Variants in SCN7A observed in about 807,000 individuals in gnomAD.
SCN7A encodes the protein sodium channel protein type 7 subunit alpha.
In SCN7A, 138 loss-of-function variants were observed where a neutral mutation model predicts 155.2. That is an observed-to-expected ratio of 0.89 (90% CI 0.77 to 1.02). The LOEUF (loss-of-function observed/expected upper bound fraction) is 1.02. Among genes scored for constraint, SCN7A ranks in the 50% least tolerant of loss-of-function variants. The pLI is 0.00. For missense variants in SCN7A, 2,058 were observed against 1,986.6 expected, an observed-to-expected ratio of 1.04 and a Z score of -0.68; for synonymous variants, 693 against 649.0, an observed-to-expected ratio of 1.07 and a Z score of -1.03.
chr2:166,425,728 C>T lies in SCN7A; in HGVS notation c.2853+2060G>A, dbSNP rs187140830. On this transcript the variant is annotated intron_variant, in intron 18 of 25. Coordinates refer to ENST00000643258, the MANE Select transcript of SCN7A (RefSeq NM_002976.4). ...CCAACTCCTCCAGCATCTCTTTTGC[C>T]CGAACCATTGTGATTATATTAGGCT... Among the ~76,000 whole-genome samples the T allele has an allele frequency of 4.6e-5, 7 of 152,190 alleles. No individual in the cohort carries two copies. In the East Asian group the frequency reaches 1.4e-3, roughly 29 times the overall value.
intron 18 of SCN7A, among the ~76,000 whole-genome samples, chr2:166,426,201 T>C (rs1167225712): frequency 6.6e-6 from 1 of 152,070 alleles, no homozygotes; most frequent in Non-Finnish European, 1.5e-5. Flanking sequence ...ATGCAGAAGA[T>C]TGCTATTTTT....
chr2:166,476,379 G>T (rs534259161), intron 3 of SCN7A, among the ~76,000 whole-genome samples: 8 of 151,670 alleles, frequency 5.3e-5, no homozygotes, highest in Non-Finnish European at 1.2e-4. Context: ...ATCAAATTAC[G>T]TTTGCTATGA....
intron 20 of SCN7A, among the ~76,000 whole-genome samples, 156 bp downstream of exon 20, chr2:166,421,034 C>T (rs1021226392): frequency 3.3e-5 from 5 of 151,786 alleles, no homozygotes; most frequent in Admixed American, 1.3e-4. Flanking sequence ...ATAAACATAC[C>T]TATTCCTCTC....
intron 24 of SCN7A, 106 bp from the exon 25 acceptor site, chr2:166,410,041 G>T: frequency 8.0e-7 from 1 of 1,255,596 alleles, no homozygotes; most frequent in Non-Finnish European, 1.1e-6. Flanking sequence ...ATGAGAATAA[G>T]TGTGAACCTA....
intron 23 of SCN7A, among the ~76,000 whole-genome samples, chr2:166,411,882 C>T (rs546345356): frequency 6.6e-6 from 1 of 152,090 alleles, no homozygotes; most frequent in Non-Finnish European, 1.5e-5. Flanking sequence ...CTATTCTTTC[C>T]TTTGACTTTT....
intron 14 of SCN7A, 119 bp from the exon 15 acceptor site, chr2:166,441,871 T>A: frequency 1.5e-6 from 1 of 673,834 alleles, no homozygotes; most frequent in Non-Finnish European, 2.5e-6. Flanking sequence ...TTTTAAGCAT[T>A]ATTAACTACT....
At chr2:166,413,465 G>A (rs1218126280) in intron 21 of SCN7A, among the ~76,000 whole-genome samples, 1 of 152,028 alleles carries the variant, frequency 6.6e-6, no homozygotes, top group East Asian at 1.9e-4. Flanking sequence ...AAGAGGAATT[G>A]TTCAACTCTT....
In SCN7A at chr2:166,478,858, A is replaced by G. The variant is rs536019114; in HGVS notation, c.-14-1148T>C. ...GGCAACTCAAAGTAGTGTTCATTAA[A>G]TATAATTTCATGCATCAATTCCCCA... On this transcript the variant is annotated intron_variant, in intron 2 of 25. Coordinates refer to ENST00000643258, the MANE Select transcript of SCN7A (RefSeq NM_002976.4). Among the ~76,000 whole-genome samples the G allele has an allele frequency of 1.7e-3, 258 of 152,088 alleles. 1 individual carries two copies. Among genetic ancestry groups the G allele is most frequent in the African/African-American group, 5.8e-3 (239 of 41,550 alleles).
chr2:166,466,009 T>G (rs1702527359), intron 7 of SCN7A, 22 bp from the exon 8 acceptor site: 1 of 1,562,480 alleles, frequency 6.4e-7, no homozygotes, highest in Non-Finnish European at 8.7e-7. Context: ...AACATTTGTT[T>G]TCGAAATAAT....
chr2:166,453,652 T>A (rs1047492182), intron 11 of SCN7A, among the ~76,000 whole-genome samples: 6 of 152,198 alleles, frequency 3.9e-5, no homozygotes, highest in African/African-American at 1.4e-4. Context: ...ACATCATTCA[T>A]CTATTAAGTA....
chr2:166,449,523 A>G (rs1428659932), intron 11 of SCN7A, among the ~76,000 whole-genome samples: 2 of 152,146 alleles, frequency 1.3e-5, no homozygotes, highest in African/African-American at 4.8e-5. Flanking sequence ...CACAAATACT[A>G]GAGCTAGAGG....
At chr2:166,483,513 A>C (rs1294162094) in intron 2 of SCN7A, among the ~76,000 whole-genome samples, 1 of 151,964 alleles carries the variant, frequency 6.6e-6, no homozygotes, top group Non-Finnish European at 1.5e-5. Context: ...GGAAGTGGGC[A>C]GTTCTCATTA....
chr2:166,459,453 T>C (rs948436591), intron 10 of SCN7A, among the ~76,000 whole-genome samples: 4 of 152,168 alleles, frequency 2.6e-5, no homozygotes, highest in Non-Finnish European at 5.9e-5. Context: ...TTTTGTTCCC[T>C]GAGGTTTGAC....
At chr2:166,472,476 G>A in intron 5 of SCN7A, 31 bp from the exon 6 acceptor site, 1 of 1,485,660 alleles carries the variant, frequency 6.7e-7, no homozygotes, top group East Asian at 2.3e-5. Flanking sequence ...AAATATTATT[G>A]GTGAGAATAA....
chr2:166,416,013 G>A (rs1356921879), intron 21 of SCN7A, among the ~76,000 whole-genome samples: 1 of 151,990 alleles, frequency 6.6e-6, no homozygotes, highest in Non-Finnish European at 1.5e-5. Context: ...AATACTCTGG[G>A]AAAGGAATTC....
intron 1 of SCN7A, among the ~76,000 whole-genome samples, chr2:166,493,010 A>G (rs1683147840): frequency 6.6e-6 from 1 of 152,152 alleles, no homozygotes; most frequent in Admixed American, 6.5e-5. Flanking sequence ...GCCTCAGCAA[A>G]TTACTCCTTA....
chr2:166,405,635 T>C lies in SCN7A; in HGVS notation c.4994A>G (p.Glu1665Gly), dbSNP rs766968476. 6.2e-7 allele frequency: 1 copy of C among 1,610,610 alleles called. No homozygotes were observed. Among genetic ancestry groups the C allele is most frequent in the South Asian group, 1.1e-5 (1 of 90,404 alleles). The change falls in exon 26 of 26, where the codon GAA becomes GGA. Residue 1665 changes from glutamate to glycine, a missense_variant. Physicochemically the swap from Glu to Gly is moderately conservative, Grantham distance 98. Coordinates refer to ENST00000643258, the MANE Select transcript of SCN7A (RefSeq NM_002976.4). ...CTTAGCTTTGTCAAAATAGGCACCT[T>C]CTTTAGTAGCATGAACATCTCTGTC... ...DGDRDVHATK[E>G]GAYFDKAKEK... is the part of the protein sequence containing the mutation.
intron 3 of SCN7A, 119 bp from the exon 4 acceptor site, chr2:166,474,463 T>G: frequency 2.7e-6 from 1 of 373,098 alleles, no homozygotes; most frequent in Admixed American, 4.6e-5. Flanking sequence ...CATACTCTTC[T>G]TTTTTTATAT....
chr2:166,410,293 T>G lies in SCN7A; in HGVS notation c.3638A>C (p.Lys1213Thr). 6.4e-7 allele frequency: 1 copy of G among 1,552,352 alleles called. No individual in the cohort carries two copies. Among genetic ancestry groups the G allele is most frequent in the Non-Finnish European group, 8.7e-7 (1 of 1,146,780 alleles). The change falls in exon 24 of 26, where the codon AAA becomes ACA. Residue 1213 changes from lysine to threonine, a missense_variant. Lys to Thr is a moderately conservative substitution (Grantham distance 78, BLOSUM62 -1). Transcript: ENST00000643258. ...CAGCCTGCGGTACTGTTTTCTCTGT[T>G]TAACCGTTATAAAGATATTTGAGCC... ...LGGSNIFITV[K>T]QRKQYRRLKK...
Sources: gnomAD v4.1 joint callset for allele counts (sites outside exome capture counted in the v4.1 genomes callset) on GRCh38, gnomAD v4.1.1 for gene constraint, MANE v1.5 for transcripts, NCBI Gene and HGNC (gene_info 2026-07-23, HGNC 2026-07-21) for gene names.